GRM7: variants seen among roughly 807,000 people sequenced by gnomAD.
The protein encoded by GRM7 is glutamate metabotropic receptor 7.
In GRM7, 35 loss-of-function variants were observed where a neutral mutation model predicts 84.5. The ratio of observed to expected loss-of-function variants is 0.41; its 90% confidence interval spans 0.32 to 0.55. GRM7 has a LOEUF of 0.55. GRM7 is among the 20% of genes least tolerant of loss of function. The pLI, the probability that GRM7 is intolerant of heterozygous loss-of-function variation, is 0.19. For missense variants in GRM7, 1,003 were observed against 1,194.6 expected (o/e 0.84, Z 2.36); for synonymous variants, 487 against 455.1 (o/e 1.07, Z -0.89).
chr3:7,114,547 TTCCTC>T (rs1692966882), intron 1 of GRM7, among the ~76,000 whole-genome samples: 1 of 152,146 alleles, frequency 6.6e-6, no homozygotes, highest in South Asian at 2.1e-4. Context: ...AGTCTCCTCT[TTCCTC>T]TAATACAGCC....
At chr3:7,416,275 C>A (rs189192714) in intron 5 of GRM7, among the ~76,000 whole-genome samples, 3 of 152,044 alleles carry the variant, frequency 2.0e-5, no homozygotes, top group Admixed American at 2.0e-4. Context: ...GTTACACAAG[C>A]GGATGACATG....
intron 2 of GRM7, among the ~76,000 whole-genome samples, chr3:7,180,773 G>T (rs528047901): frequency 6.6e-6 from 1 of 152,144 alleles, no homozygotes; most frequent in Non-Finnish European, 1.5e-5. Context: ...ATGCAGCAAA[G>T]AAATGTTCCA....
chr3:7,171,461 G>A (rs1322999714), intron 2 of GRM7, among the ~76,000 whole-genome samples: 1 of 151,956 alleles, frequency 6.6e-6, no homozygotes, highest in Non-Finnish European at 1.5e-5. Context: ...TCTTTATTTG[G>A]GAGTCATAAT....
At chr3:7,538,085 A>G (rs1692652010) in intron 7 of GRM7, among the ~76,000 whole-genome samples, 1 of 152,074 alleles carries the variant, frequency 6.6e-6, no homozygotes, top group Admixed American at 6.6e-5. Context: ...GTTTCTGCCT[A>G]GGTTGTTACT....
At chr3:7,473,491 A>AGAGAGG (rs1397112217) in intron 7 of GRM7, among the ~76,000 whole-genome samples, 3 of 51,026 alleles carry the variant, frequency 5.9e-5, no homozygotes, top group Admixed American at 5.1e-4. Flanking sequence ...AACGAGAGGG[A>AGAGAGG]GAGAGAGAGA....
rs1470273967 is a variant in GRM7, at chr3:7,205,467, C to T, written c.736+58799C>T. Among the ~76,000 whole-genome samples the T allele has an allele frequency of 2.6e-5, 4 of 152,290 alleles. No homozygotes were observed. In the South Asian group the frequency reaches 8.3e-4, roughly 32 times the overall value. Reference sequence around the variant, plus strand: ...TCAAGGGCTGGCCTTAATTCAGAAGCACATAATTCATTCAGAACCATACAC... The same window carrying T: ...TCAAGGGCTGGCCTTAATTCAGAAGTACATAATTCATTCAGAACCATACAC... On this transcript the variant is annotated intron_variant, in intron 2 of 9. Transcript: ENST00000357716.
intron 1 of GRM7, among the ~76,000 whole-genome samples, chr3:6,889,809 A>T (rs1290199565): frequency 6.6e-6 from 1 of 152,136 alleles, no homozygotes; most frequent in Non-Finnish European, 1.5e-5. Context: ...AAGGAATGGT[A>T]CCAGTTCCTC....
At chr3:7,203,893 C>T (rs1468542437) in intron 2 of GRM7, among the ~76,000 whole-genome samples, 1 of 151,866 alleles carries the variant, frequency 6.6e-6, no homozygotes, top group Non-Finnish European at 1.5e-5. Context: ...TCCAGGCTAA[C>T]CAGGAAAGAT....
At chr3:7,416,804 G>A (rs768967985) in intron 5 of GRM7, among the ~76,000 whole-genome samples, 3 of 152,066 alleles carry the variant, frequency 2.0e-5, no homozygotes, top group Non-Finnish European at 4.4e-5. Flanking sequence ...AGACCTAGGC[G>A]ACACAAAGCT....
intron 8 of GRM7, among the ~76,000 whole-genome samples, chr3:7,639,159 A>G (rs1178777121): frequency 2.0e-5 from 3 of 152,004 alleles, no homozygotes; most frequent in Admixed American, 1.3e-4. Context: ...ACATCTCCCC[A>G]TTTCTCCACT....
At chr3:7,170,788 A>T (rs1407918626) in intron 2 of GRM7, among the ~76,000 whole-genome samples, 1 of 152,164 alleles carries the variant, frequency 6.6e-6, no homozygotes, top group African/African-American at 2.4e-5. Flanking sequence ...TGGGAAAAAG[A>T]TTGAGTTACA....
chr3:7,223,317 A>G (rs1477975066), intron 2 of GRM7, among the ~76,000 whole-genome samples: 5 of 151,964 alleles, frequency 3.3e-5, no homozygotes, highest in Non-Finnish European at 7.4e-5. Flanking sequence ...TTTCCCCCTG[A>G]ATGCTGAAAC....
chr3:7,730,396 T>C (rs1702283005), intron 9 of GRM7, among the ~76,000 whole-genome samples: 1 of 152,176 alleles, frequency 6.6e-6, no homozygotes, highest in Non-Finnish European at 1.5e-5. Context: ...ACCTGCACAG[T>C]AACATGGCTA....
chr3:6,954,977 T>C (rs1692965949), intron 1 of GRM7, among the ~76,000 whole-genome samples: 1 of 152,204 alleles, frequency 6.6e-6, no homozygotes, highest in Non-Finnish European at 1.5e-5. Flanking sequence ...GTTAATAATA[T>C]TCCCCTCCAG....
In GRM7 at chr3:7,330,607, C is replaced by T. The variant is rs1249237550; in HGVS notation, c.1033+23955C>T. 2.6e-5 allele frequency among the ~76,000 whole-genome samples: 4 copies of T among 152,288 alleles called. 1 individual carries two copies. Among genetic ancestry groups the T allele is most frequent in the South Asian group, 4.1e-4 (2 of 4,828 alleles). On this transcript the variant is annotated intron_variant, in intron 4 of 9. Transcript: ENST00000357716. The stretch of plus-strand genomic sequence containing the variant: ...TGGTAGTGAATAAGTCTCAGAAGAT[C>T]TGATGGCTTTATAAGGGCTTTCCCC...
At chr3:6,871,848 A>G (rs905620896) in intron 1 of GRM7, among the ~76,000 whole-genome samples, 1 of 152,164 alleles carries the variant, frequency 6.6e-6, no homozygotes, top group African/African-American at 2.4e-5. Flanking sequence ...GCTTCTGAAG[A>G]ACGGAACAGA....
At chr3:7,388,801 C>G (rs1395473645) in intron 4 of GRM7, among the ~76,000 whole-genome samples, 1 of 151,868 alleles carries the variant, frequency 6.6e-6, no homozygotes, top group Non-Finnish European at 1.5e-5. Context: ...CTTTGTTAAT[C>G]AGGCTATCAA....
At chr3:6,876,268 A>T (rs80246078) in intron 1 of GRM7, among the ~76,000 whole-genome samples, 2 of 144,328 alleles carry the variant, frequency 1.4e-5, no homozygotes, top group East Asian at 2.0e-4. Context: ...GCTCCATCTC[A>T]AAAAAAAAAA....
chr3:7,449,906 C>G (rs908125955), intron 5 of GRM7, among the ~76,000 whole-genome samples: 1 of 151,870 alleles, frequency 6.6e-6, no homozygotes, highest in Non-Finnish European at 1.5e-5. Flanking sequence ...TCATTTTTTT[C>G]TAACCATGAT....
Sources: gnomAD v4.1 joint callset for allele counts (sites outside exome capture counted in the v4.1 genomes callset) on GRCh38, gnomAD v4.1.1 for gene constraint, MANE v1.5 for transcripts, NCBI Gene and HGNC (gene_info 2026-07-23, HGNC 2026-07-21) for gene names.